The following CCNJL variants were observed in gnomAD, a reference collection of about 807,000 sequenced individuals.
CCNJL encodes cyclin-J-like protein.
In CCNJL, 33 loss-of-function variants were observed where a neutral mutation model predicts 33.4. The ratio of observed to expected loss-of-function variants is 0.99; its 90% CI spans 0.75 to 1.32. CCNJL has a LOEUF of 1.32. CCNJL is among the 40% of genes most tolerant of loss of function. The probability of loss-of-function intolerance (pLI) is 0.00; values close to 1 mark genes in which losing one functional copy is unlikely to be tolerated. For synonymous variants in CCNJL, 227 were observed against 220.9 expected, an observed-to-expected ratio of 1.03 and a Z score of -0.24; for missense variants, 512 against 499.7, an observed-to-expected ratio of 1.02 and a Z score of -0.23.
intron 3 of CCNJL, among the ~76,000 whole-genome samples, chr5:160,270,185 T>G (rs1330628467): frequency 6.6e-6 from 1 of 151,396 alleles, no homozygotes; most frequent in Non-Finnish European, 1.5e-5. Context: ...GGCTCACGCC[T>G]GTAATCCCAG....
chr5:160,249,312 T>C lies in CCNJL; in HGVS notation c.*4066A>G, dbSNP rs188090185. ...TTGGGTTAGGTGGGAAAAATAATTTTAAAAGGTGGAAAAAGTTCTATTATG... is the reference window on the plus strand; with the variant it reads ...TTGGGTTAGGTGGGAAAAATAATTTCAAAAGGTGGAAAAAGTTCTATTATG... On this transcript the variant is annotated 3_prime_UTR_variant, in exon 6 of 6. Transcript: ENST00000257536. The C allele has an allele frequency of 6.6e-6, 1 of 152,336 alleles. No individual in the cohort carries two copies. Among genetic ancestry groups the C allele is most frequent in the Admixed American group, 6.5e-5 (1 of 15,298 alleles). The allele number at this position is 152,336 out of a possible 1,614,324, so 9.4% of individuals were successfully genotyped here.
chr5:160,323,856 CTGTCTT>C (rs1339584431), intron 1 of CCNJL, among the ~76,000 whole-genome samples: 1 of 152,242 alleles, frequency 6.6e-6, no homozygotes, highest in Non-Finnish European at 1.5e-5. Context: ...CTTTTTCTGT[CTGTCTT>C]TGAGTTGGGA....
At chr5:160,285,457 A>C (rs1408496053) in intron 2 of CCNJL, among the ~76,000 whole-genome samples, 1 of 152,188 alleles carries the variant, frequency 6.6e-6, no homozygotes, top group Non-Finnish European at 1.5e-5. Flanking sequence ...GAGAGGCAGT[A>C]AAGAAAGCAA....
At position 160,309,962 on chromosome 5, in the gene CCNJL, CTTTCT is replaced by C. The variant is rs1402293821; in HGVS notation, c.66+1891_66+1895del. On this transcript the variant is annotated intron_variant, in intron 2 of 5. Coordinates refer to ENST00000257536, the MANE Select transcript of CCNJL (RefSeq NM_001308173.3). ...ACATGGCTATAGCAGTTCATGGAGC[CTTTCT>C]TGCTTCTTTGAGCAGCCGAAGGAAC... 1.0e-3 allele frequency among the ~76,000 whole-genome samples: 155 copies of C among 152,298 alleles called. 1 individual carries two copies. The Middle Eastern group carries it at 0.014, about 13-fold the overall frequency.
intron 2 of CCNJL, among the ~76,000 whole-genome samples, chr5:160,281,757 C>T (rs973111030): frequency 1.3e-5 from 2 of 152,104 alleles, no homozygotes; most frequent in African/African-American, 4.8e-5. Context: ...CTCAAGCAAT[C>T]CTCCCACCTT....
At chr5:160,274,468 A>C (rs560645963) in intron 3 of CCNJL, among the ~76,000 whole-genome samples, 1 of 152,178 alleles carries the variant, frequency 6.6e-6, no homozygotes, top group East Asian at 1.9e-4. Context: ...CAAAAAAAAA[A>C]ACAATCTGTA....
chr5:160,327,120 TAA>T (rs368393743), intron 1 of CCNJL, among the ~76,000 whole-genome samples: 5 of 143,760 alleles, frequency 3.5e-5, no homozygotes, highest in Admixed American at 7.0e-5. Flanking sequence ...TGTTTGTATT[TAA>T]AAAAAAAAAA....
chr5:160,272,271 C>T (rs938172904), intron 3 of CCNJL, among the ~76,000 whole-genome samples: 4 of 152,204 alleles, frequency 2.6e-5, no homozygotes, highest in Admixed American at 6.5e-5. Context: ...GCCAAGTAAT[C>T]AAAGCAGGGG....
At chr5:160,327,820 A>G (rs1240016263) in intron 1 of CCNJL, among the ~76,000 whole-genome samples, 2 of 152,230 alleles carry the variant, frequency 1.3e-5, no homozygotes, top group African/African-American at 2.4e-5. Context: ...TCTGTATCCA[A>G]ACCTGTTTCA....
chr5:160,320,788 C>CCTTTCTTT lies in CCNJL; in HGVS notation n.207-5291_207-5284dup, dbSNP rs70990723. ...TTTTCTTTCTTTCTTTTCTTTCTTT[C>CCTTTCTTT]CTTTCTTTCTTTCTTTCTTTCTTTC... On this transcript the variant is annotated intron_variant and non_coding_transcript_variant, in intron 1 of 7. Transcript: ENST00000377503. Among the ~76,000 whole-genome samples the CCTTTCTTT allele has an allele frequency of 2.1e-3, 245 of 116,316 alleles. 3 individuals carry two copies. The highest frequency in any genetic ancestry group is 3.4e-3 in the East Asian group (14 of 4,110). The allele number at this position is 116,316 out of a possible 152,430, so 76.3% of individuals were successfully genotyped here. A position where few individuals can be genotyped will look rare whatever the true frequency, so the allele number is the denominator to read the frequency against.
chr5:160,265,820 T>A (rs1370364285), intron 3 of CCNJL, among the ~76,000 whole-genome samples: 1 of 141,954 alleles, frequency 7.0e-6, no homozygotes, highest in Admixed American at 7.3e-5. Context: ...GGCACTGCAC[T>A]CTAGCCTGGG....
chr5:160,262,584 C>T (rs1043363247), intron 3 of CCNJL, among the ~76,000 whole-genome samples: 1 of 152,168 alleles, frequency 6.6e-6, no homozygotes, highest in Non-Finnish European at 1.5e-5. Context: ...CACAAGCCCC[C>T]GGCACACAGA....
chr5:160,253,504 G>A lies in CCNJL; in HGVS notation c.1038C>T (p.Pro346=), dbSNP rs759256343. 80 of 1,614,076 alleles carry A rather than the reference G, an allele frequency of 5.0e-5. 1 individual carries two copies. The highest frequency in any genetic ancestry group is 1.6e-4 in the African/African-American group (12 of 74,936). Residue 346 remains proline (P), a synonymous_variant, in exon 6 of 6, where the codon CCC becomes CCT. Transcript: ENST00000257536. ...PLQPLDMCPV[P]VPASLSMHMA... ...TATGCATGCTAAGGGATGCAGGGAC[G>A]GGCACGGGACACATATCCAAGGGCT...
chr5:160,264,394 C>T (rs577214479), intron 3 of CCNJL, among the ~76,000 whole-genome samples: 18 of 152,230 alleles, frequency 1.2e-4, no homozygotes, highest in African/African-American at 3.9e-4. Context: ...TGGCTGATCC[C>T]TAACACCATT....
At chr5:160,323,931 GCTCAC>G (rs1178831876) in intron 1 of CCNJL, among the ~76,000 whole-genome samples, 8 of 152,340 alleles carry the variant, frequency 5.3e-5, no homozygotes, top group African/African-American at 1.7e-4. Flanking sequence ...TGGGTTTCAA[GCTCAC>G]CTGCATTCCG....
chr5:160,289,589 C>T (rs991379326), intron 2 of CCNJL, among the ~76,000 whole-genome samples: 2 of 151,956 alleles, frequency 1.3e-5, no homozygotes, highest in Non-Finnish European at 2.9e-5. Context: ...AACCACTCTC[C>T]TTGCTGCCCA....
intron 1 of CCNJL, among the ~76,000 whole-genome samples, chr5:160,334,312 T>C (rs1025484903): frequency 9.9e-5 from 15 of 152,182 alleles, no homozygotes; most frequent in Non-Finnish European, 7.3e-5. Flanking sequence ...TTCATGATTT[T>C]TACCCAGCAA....
intron 3 of CCNJL, among the ~76,000 whole-genome samples, chr5:160,272,144 T>A (rs142012079): frequency 6.6e-6 from 1 of 152,224 alleles, no homozygotes; most frequent in African/African-American, 2.4e-5. Context: ...TATTCATTCA[T>A]CCTTGTCGAC....
intron 1 of CCNJL, among the ~76,000 whole-genome samples, chr5:160,323,234 C>CAA (rs536222136): frequency 9.1e-5 from 9 of 99,064 alleles, no homozygotes; most frequent in South Asian, 3.1e-4. Flanking sequence ...GACTCCAACT[C>CAA]AAAAAAAAAA....
Sources: allele counts gnomAD v4.1 joint callset (sites outside exome capture counted in the v4.1 genomes callset), GRCh38; gene constraint gnomAD v4.1.1; transcripts MANE v1.5; gene names NCBI Gene and HGNC (gene_info 2026-07-23, HGNC 2026-07-21).